The following ZNF362 variants were observed in gnomAD, a reference collection of about 807,000 sequenced individuals.
ZNF362 encodes rotund homolog.
In ZNF362, 11 loss-of-function variants were observed where a neutral mutation model predicts 42.9. That is an observed-to-expected ratio of 0.26 (90% CI 0.16 to 0.42). The LOEUF is 0.42. Ranked by LOEUF, ZNF362 falls within the 20% of genes least tolerant of loss-of-function variation. The pLI is 1.00. For missense variants in ZNF362, 362 were observed against 576.2 expected, an observed-to-expected ratio of 0.63 and a Z score of 3.81; for synonymous variants, 255 against 257.3, an observed-to-expected ratio of 0.99 and a Z score of 0.09.
chr1:33,174,967 A>G, the ZNF362 span, among the ~76,000 whole-genome samples: 6 of 135,894 alleles, frequency 4.4e-5, no homozygotes, highest in African/African-American at 2.1e-4. Flanking sequence ...ATATATATAT[A>G]TACACACATA....
In ZNF362 at chr1:33,281,878, A is replaced by G. The variant is rs969572148; in HGVS notation, c.908+67A>G. ...TCAGCACCCGTGGCCTGGCACATGG[A>G]GCCAGTGCAAGGAGGGGCAAGGACC... is the stretch of plus-strand genomic sequence containing the variant. On this transcript the variant is annotated intron_variant, in intron 6 of 8. Coordinates refer to ENST00000539719, the MANE Select transcript of ZNF362 (RefSeq NM_152493.3). The surrounding 1 kb of genome is among the most constrained non-coding windows in gnomAD (Gnocchi z 4.8). 4 of 1,545,014 alleles carry G rather than the reference A, an allele frequency of 2.6e-6. No homozygotes were observed. The Admixed American group carries it at 6.8e-5, about 26-fold the overall frequency.
At chr1:33,284,548 GATT>G (rs1646018660) in intron 6 of ZNF362, among the ~76,000 whole-genome samples, 1 of 152,120 alleles carries the variant, frequency 6.6e-6, no homozygotes, top group African/African-American at 2.4e-5. Context: ...TCAATAGAAT[GATT>G]ATTTGAACAT....
the ZNF362 span, among the ~76,000 whole-genome samples, chr1:33,218,829 T>A: frequency 6.6e-6 from 1 of 151,928 alleles, no homozygotes; most frequent in Non-Finnish European, 1.5e-5. Flanking sequence ...GAAGTCAGAT[T>A]CCCAAGAGAT....
At chr1:33,218,932 TA>T in the ZNF362 span, among the ~76,000 whole-genome samples, 1 of 121,000 alleles carries the variant, frequency 8.3e-6, no homozygotes. Flanking sequence ...GAGCTGGACA[TA>T]CACACACACA....
chr1:33,252,517 T>C (rs975935044), upstream of ZNF362, among the ~76,000 whole-genome samples: 3 of 152,212 alleles, frequency 2.0e-5, no homozygotes, highest in Non-Finnish European at 4.4e-5. Flanking sequence ...AGAGAAACCA[T>C]GATGGGCATG....
At chr1:33,170,732 G>A in the ZNF362 span, among the ~76,000 whole-genome samples, 4 of 152,180 alleles carry the variant, frequency 2.6e-5, no homozygotes, top group African/African-American at 4.8e-5. Context: ...CCGCTCCAAC[G>A]TGTCTCCTTC....
chr1:33,134,780 A>T, the ZNF362 span, among the ~76,000 whole-genome samples: 1 of 152,218 alleles, frequency 6.6e-6, no homozygotes, highest in African/African-American at 2.4e-5. Flanking sequence ...GACTCTGAGA[A>T]ATAGGGGAGC....
At chr1:33,137,942 G>A in the ZNF362 span, among the ~76,000 whole-genome samples, 1 of 152,194 alleles carries the variant, frequency 6.6e-6, no homozygotes, top group Non-Finnish European at 1.5e-5. Context: ...CAGCAGAGCC[G>A]AGGAGCTGAG....
At chr1:33,297,600 C>T (rs1646134522) in intron 8 of ZNF362, among the ~76,000 whole-genome samples, 1 of 142,858 alleles carries the variant, frequency 7.0e-6, no homozygotes, top group Non-Finnish European at 1.5e-5. Flanking sequence ...CAACATCCGC[C>T]TCCCAGGTTC....
At chr1:33,218,791 C>T in the ZNF362 span, among the ~76,000 whole-genome samples, 15 of 151,812 alleles carry the variant, frequency 9.9e-5, no homozygotes, top group Admixed American at 7.2e-4. Context: ...TCTCAGGGTC[C>T]GTGGAGTTGG....
rs945677018 is a variant in ZNF362 at position 33,294,640 on chromosome 1, C to G, written c.909-297C>G. On this transcript the variant is annotated intron_variant, in intron 6 of 8. Coordinates refer to ENST00000539719, the MANE Select transcript of ZNF362 (RefSeq NM_152493.3). This position sits in a 1 kb window ranked among gnomAD's most constrained non-coding sequence, Gnocchi z 4.2. Reference sequence around the variant, plus strand: ...TTTTCAAAGAGAGGGGCAGCCAAATCAGGCCCTCTCCGAGGCCTGCACTGG... The same window carrying G: ...TTTTCAAAGAGAGGGGCAGCCAAATGAGGCCCTCTCCGAGGCCTGCACTGG... 6.6e-6 allele frequency among the ~76,000 whole-genome samples: 1 copy of G among 152,164 alleles called. No homozygotes were observed. The highest frequency in any genetic ancestry group is 1.5e-5 in the Non-Finnish European group (1 of 68,024).
chr1:33,261,304 G>A (rs1645826537), intron 1 of ZNF362: 1 of 152,210 alleles, frequency 6.6e-6, no homozygotes, highest in Admixed American at 6.5e-5. Flanking sequence ...CTGTCAGAAA[G>A]TTCTCATTGC....
chr1:33,218,672 CTGTT>C, the ZNF362 span, among the ~76,000 whole-genome samples: 2 of 151,906 alleles, frequency 1.3e-5, no homozygotes, highest in African/African-American at 4.8e-5. Flanking sequence ...GTGAAATGGC[CTGTT>C]TATGTCCTTT....
chr1:33,236,550 A>AAAAAAAAAAAAAT, the ZNF362 span, among the ~76,000 whole-genome samples: 39 of 5,980 alleles, frequency 6.5e-3, 3 homozygotes, highest in African/African-American at 0.015. Context: ...AAAAAAAAAA[A>AAAAAAAAAAAAAT]ATATATATAT....
At chr1:33,228,383 C>T in the ZNF362 span, among the ~76,000 whole-genome samples, 1 of 152,128 alleles carries the variant, frequency 6.6e-6, no homozygotes, top group East Asian at 1.9e-4. Context: ...TTTTTGTCCC[C>T]AGTCCTGACT....
the ZNF362 span, among the ~76,000 whole-genome samples, chr1:33,177,067 GCACACA>G: frequency 2.0e-5 from 3 of 150,644 alleles, no homozygotes; most frequent in Admixed American, 1.3e-4. This position sits in a 1 kb window ranked among gnomAD's most constrained non-coding sequence, Gnocchi z 4.1. Flanking sequence ...ACACACACAT[GCACACA>G]CACACATGCA....
the ZNF362 span, among the ~76,000 whole-genome samples, chr1:33,139,202 C>CG: frequency 6.6e-6 from 1 of 152,092 alleles, no homozygotes; most frequent in African/African-American, 2.4e-5. Context: ...ATCTAGGTGT[C>CG]GGGGGAATGA....
rs1645795014 is a variant in ZNF362 at position 33,256,826 on chromosome 1, A to AGTG, written c.-89+173_-89+174insTGG. ...CGCCTGCGCCTCGGGCCCGGCCCAGAGCGGCGGCGGCGGCGGCGGCAGCGG... is the reference window on the plus strand; with the variant it reads ...CGCCTGCGCCTCGGGCCCGGCCCAGAGTGGCGGCGGCGGCGGCGGCGGCAGCGG... On this transcript the variant is annotated intron_variant, in intron 1 of 8. Transcript: ENST00000539719. Among the ~76,000 whole-genome samples, 4 of 144,204 alleles carry AGTG rather than the reference A, an allele frequency of 2.8e-5. No individual in the cohort carries two copies. The South Asian group carries it at 6.4e-4, about 23-fold the overall frequency. 94.6% of individuals were successfully genotyped at this position (144,204 alleles called of 152,430 possible). A position where few individuals can be genotyped will look rare whatever the true frequency, so the allele number is the denominator to read the frequency against.
At chr1:33,181,776 G>T in the ZNF362 span, 1 of 220,776 alleles carries the variant, frequency 4.5e-6, no homozygotes, top group Non-Finnish European at 8.9e-6. This position sits in a 1 kb window ranked among gnomAD's most constrained non-coding sequence, Gnocchi z 6.5. Context: ...GGAGCTGGGA[G>T]AAGGGGATCC....
Sources: gnomAD v4.1 joint callset for allele counts (sites outside exome capture counted in the v4.1 genomes callset) on GRCh38, gnomAD v4.1.1 for gene constraint, Gnocchi (gnomAD v3.1) non-coding constraint, MANE v1.5 for transcripts, NCBI Gene and HGNC (gene_info 2026-07-23, HGNC 2026-07-21) for gene names.